The following TACR2 variants were observed in gnomAD, a reference collection of about 807,000 sequenced individuals.
TACR2 encodes the protein substance-K receptor.
Under a neutral mutation model 28.9 loss-of-function variants are expected in TACR2, and 24 were observed. The ratio of observed to expected loss-of-function variants is 0.83; its 90% CI spans 0.60 to 1.17. TACR2 has a LOEUF of 1.17. TACR2 is among the 50% of genes most tolerant of loss of function. The pLI is 0.00. For synonymous variants in TACR2, 222 were observed against 212.6 expected, an observed-to-expected ratio of 1.04 and a Z score of -0.38; for missense variants, 487 against 524.4, an observed-to-expected ratio of 0.93 and a Z score of 0.70.
In TACR2 at chr10:69,409,926, T is replaced by C. The variant is rs1418868957; in HGVS notation, c.588-851A>G. 1.2e-4 allele frequency among the ~76,000 whole-genome samples: 12 copies of C among 99,464 alleles called. No homozygotes were observed. In the South Asian group the frequency reaches 3.3e-3, roughly 27 times the overall value. The allele number at this position is 99,464 out of a possible 152,430, so 65.3% of individuals were successfully genotyped here. A position where few individuals can be genotyped will look rare whatever the true frequency, so the allele number is the denominator to read the frequency against. ...ATACATATATATATATATATATATA[T>C]ATATATATATATATATAATCTGTAT... On this transcript the variant is annotated intron_variant, in intron 2 of 4. Coordinates refer to ENST00000373306, the MANE Select transcript of TACR2 (RefSeq NM_001057.3).
chr10:69,411,745 G>A (rs1564581726), intron 2 of TACR2, among the ~76,000 whole-genome samples: 1 of 152,208 alleles, frequency 6.6e-6, no homozygotes, highest in East Asian at 1.9e-4. Context: ...TCTCCAACCC[G>A]ACCAATCAGC....
chr10:69,405,038 T>C lies in TACR2; in HGVS notation c.985A>G (p.Thr329Ala). 6.2e-7 allele frequency: 1 copy of C among 1,614,022 alleles called. No homozygotes were observed. Among genetic ancestry groups the C allele is most frequent in the Non-Finnish European group, 8.5e-7 (1 of 1,179,966 alleles). ...TCGAGCTTATCTTCCTTGGTGGGTGTGACCCATGGGCAGCAGCGGAAGGCA... is the reference window on the plus strand; with the variant it reads ...TCGAGCTTATCTTCCTTGGTGGGTGCGACCCATGGGCAGCAGCGGAAGGCA... ...RLAFRCCPWV[T>A]PTKEDKLELT... is the part of the protein sequence containing the mutation. The change falls in exon 5 of 5, where the codon ACA (threonine) becomes GCA (alanine). Residue 329 changes from threonine to alanine, a missense_variant. By Grantham distance (58) the Thr-to-Ala change is moderately conservative. Transcript: ENST00000373306.
intron 4 of TACR2, among the ~76,000 whole-genome samples, chr10:69,406,647 A>G (rs1342302687): frequency 6.6e-6 from 1 of 152,330 alleles, no homozygotes; most frequent in East Asian, 1.9e-4. Flanking sequence ...GAAAGCCCTC[A>G]GTAGGAAGCT....
Position 69,409,243 on chromosome 10 carries a change from G to A in TACR2, c.588-168C>T, listed in dbSNP as rs1840538761. On this transcript the variant is annotated intron_variant, in intron 2 of 4. Coordinates refer to ENST00000373306, the MANE Select transcript of TACR2 (RefSeq NM_001057.3). Reference sequence around the variant, plus strand: ...TTTAAACAAAAATAAAGGTGGCATTGGGTAGCCTGTGTGCCAGGAGACGGC... The same window carrying A: ...TTTAAACAAAAATAAAGGTGGCATTAGGTAGCCTGTGTGCCAGGAGACGGC... 2.7e-5 allele frequency: 17 copies of A among 629,202 alleles called. No homozygotes were observed. The South Asian group carries it at 6.2e-4, about 23-fold the overall frequency. The allele number at this position is 629,202 out of a possible 1,614,324, so 39.0% of individuals were successfully genotyped here.
intron 3 of TACR2, among the ~76,000 whole-genome samples, chr10:69,408,654 C>T (rs1170968491): frequency 6.6e-6 from 1 of 152,174 alleles, no homozygotes; most frequent in Non-Finnish European, 1.5e-5. Context: ...CAAATCCGCC[C>T]GGCTGGGAGG....
At chr10:69,409,918 T>TACATATATATATATATAC (rs1349014697) in intron 2 of TACR2, among the ~76,000 whole-genome samples, 1 of 40,168 alleles carries the variant, frequency 2.5e-5, no homozygotes, top group East Asian at 8.7e-4. Flanking sequence ...TATATATATA[T>TACATATATATATATATAC]ATATATATAT....
At chr10:69,415,568 TA>T (rs111725024) in intron 1 of TACR2, among the ~76,000 whole-genome samples, 4,605 of 147,856 alleles carry the variant, frequency 0.031, 176 homozygotes, top group African/African-American at 0.09. Context: ...TCCGGAATAA[TA>T]AAAAAAAAAC....
intron 2 of TACR2, among the ~76,000 whole-genome samples, chr10:69,409,925 A>ATG (rs1205159868): frequency 8.0e-5 from 6 of 74,692 alleles, no homozygotes; most frequent in Admixed American, 1.5e-4. Flanking sequence ...ATATATATAT[A>ATG]TATATATATA....
At chr10:69,405,649 A>G (rs1258541114) in intron 4 of TACR2, among the ~76,000 whole-genome samples, 1 of 152,220 alleles carries the variant, frequency 6.6e-6, no homozygotes, top group Non-Finnish European at 1.5e-5. Context: ...AGTGGAAGAA[A>G]TCAGACGGCA....
At chr10:69,408,817 CCCCCGT>C (rs1840530544) in intron 3 of TACR2, 99 bp downstream of exon 3, 1 of 32,182 alleles carries the variant, frequency 3.1e-5, no homozygotes, top group Non-Finnish European at 7.0e-5. Context: ...CCCCGTCCCA[CCCCCGT>C]CCCACCCCGT....
rs1323837230 is a variant in TACR2 at position 69,405,090 on chromosome 10, G to A, written c.939-6C>T. On this transcript the variant is annotated splice_region_variant and splice_polypyrimidine_tract_variant and intron_variant, in intron 4 of 4. Transcript: ENST00000373306. ...GCCGGAATCCAGAGCGAAACCTGGG[G>A]GAGCGAGGGGCACCTTGAGCCAGGG... The A allele has an allele frequency of 1.2e-6, 2 of 1,612,512 alleles. No individual in the cohort carries two copies. The highest frequency in any genetic ancestry group is 4.5e-5 in the East Asian group (2 of 44,852).
At chr10:69,409,461 A>G (rs1589602988) in intron 2 of TACR2, among the ~76,000 whole-genome samples, 1 of 152,214 alleles carries the variant, frequency 6.6e-6, no homozygotes, top group African/African-American at 2.4e-5. Flanking sequence ...AACATTAACT[A>G]TTAATATCTG....
intron 1 of TACR2, among the ~76,000 whole-genome samples, chr10:69,415,427 A>G (rs1010042559): frequency 1.1e-4 from 16 of 152,248 alleles, no homozygotes; most frequent in African/African-American, 3.9e-4. Flanking sequence ...CCACACTGGA[A>G]GCCCATCTCA....
At chr10:69,407,006 G>T in intron 4 of TACR2, 78 bp downstream of exon 4, 1 of 1,445,940 alleles carries the variant, frequency 6.9e-7, no homozygotes, top group Non-Finnish European at 9.6e-7. Flanking sequence ...ATGGATGCTT[G>T]AGCTGTGCAG....
intron 2 of TACR2, among the ~76,000 whole-genome samples, chr10:69,410,194 G>A (rs1372561079): frequency 6.6e-6 from 1 of 151,760 alleles, no homozygotes; most frequent in Non-Finnish European, 1.5e-5. Context: ...GAGGACACTG[G>A]GTTGTGTTGA....
chr10:69,407,952 C>T (rs147603953), intron 3 of TACR2, among the ~76,000 whole-genome samples: 2,097 of 152,310 alleles, frequency 0.014, 55 homozygotes, highest in African/African-American at 0.048. Context: ...CACCAGATGG[C>T]GCCCATGTGC....
In TACR2 at chr10:69,407,206, C is replaced by CA; in HGVS notation, c.815dup (p.Ser274GlnfsTer62). On this transcript the variant is annotated frameshift_variant, in exon 4 of 5. Transcript: ENST00000373306. LOFTEE classifies it high-confidence loss of function. ...AGTAGATGTCCTCCTGGAAGCTGCC[C>CA]AGGATGAAGTAGAGGTGGTAGGGCA... The CA allele has an allele frequency of 6.2e-7, 1 of 1,613,958 alleles. No individual in the cohort carries two copies. The highest frequency in any genetic ancestry group is 8.5e-7 in the Non-Finnish European group (1 of 1,179,948).
rs1489510942 is a variant in TACR2 at position 69,416,506 on chromosome 10, T to G, written c.-183A>C. 6 of 723,902 alleles carry G rather than the reference T, an allele frequency of 8.3e-6. No homozygotes were observed. In the East Asian group the frequency reaches 1.6e-4, roughly 20 times the overall value. 44.8% of individuals were successfully genotyped at this position (723,902 alleles called of 1,614,324 possible). Reference sequence around the variant, plus strand: ...GGTCTCAGGCAAAGATGAGCTGGGCTGAGCACAAAGCCCAGTCCAGAACCA... The same window carrying G: ...GGTCTCAGGCAAAGATGAGCTGGGCGGAGCACAAAGCCCAGTCCAGAACCA... On this transcript the variant is annotated 5_prime_UTR_variant, in exon 1 of 5. Coordinates refer to ENST00000373306, the MANE Select transcript of TACR2 (RefSeq NM_001057.3).
intron 2 of TACR2, among the ~76,000 whole-genome samples, chr10:69,410,152 A>G (rs1198297050): frequency 6.6e-6 from 1 of 151,706 alleles, no homozygotes; most frequent in Non-Finnish European, 1.5e-5. Context: ...GATGCAGAGT[A>G]CCATTGCGTG....
Sources: allele counts gnomAD v4.1 joint callset (sites outside exome capture counted in the v4.1 genomes callset), GRCh38; gene constraint gnomAD v4.1.1; transcripts MANE v1.5; gene names NCBI Gene and HGNC (gene_info 2026-07-23, HGNC 2026-07-21).